ASCC3: variants seen among roughly 807,000 people sequenced by gnomAD.
The protein encoded by ASCC3 is activating signal cointegrator 1 complex subunit 3, also known as ASC-1 complex subunit P200.
In ASCC3, 158 loss-of-function variants were observed where a neutral mutation model predicts 256.3. The ratio of observed to expected loss-of-function variants is 0.62; its 90% CI spans 0.54 to 0.70. The LOEUF (loss-of-function observed/expected upper bound fraction) is 0.70. Among genes scored for constraint, ASCC3 ranks in the 30% least tolerant of loss-of-function variants. The probability of loss-of-function intolerance (pLI) is 0.00; values close to 1 mark genes in which losing one functional copy is unlikely to be tolerated. For missense variants in ASCC3, 2,259 were observed against 2,626.0 expected (o/e 0.86, Z 3.05); for synonymous variants, 948 against 883.4 (o/e 1.07, Z -1.30).
intron 10 of ASCC3, among the ~76,000 whole-genome samples, chr6:100,743,879 T>C (rs1306538596): frequency 2.6e-5 from 4 of 152,214 alleles, no homozygotes; most frequent in African/African-American, 9.6e-5. Flanking sequence ...CACAAATCTT[T>C]AAAATAATGC....
chr6:100,550,899 T>C (rs1428877090), intron 36 of ASCC3, among the ~76,000 whole-genome samples: 5 of 151,952 alleles, frequency 3.3e-5, no homozygotes, highest in Admixed American at 1.3e-4. Context: ...AAGAATGCTC[T>C]GCAGTAGAGA....
intron 34 of ASCC3, among the ~76,000 whole-genome samples, chr6:100,596,502 A>G (rs1422938845): frequency 6.6e-6 from 1 of 152,146 alleles, no homozygotes; most frequent in African/African-American, 2.4e-5. Context: ...AAAAATCTGT[A>G]AACTACCATA....
intron 4 of ASCC3, among the ~76,000 whole-genome samples, chr6:100,839,074 T>C (rs867736299): frequency 2.0e-5 from 3 of 152,128 alleles, no homozygotes; most frequent in Non-Finnish European, 1.5e-5. Context: ...CTTCCCCATA[T>C]CAATATATTA....
intron 8 of ASCC3, among the ~76,000 whole-genome samples, chr6:100,773,123 C>G (rs1298840030): frequency 6.6e-6 from 1 of 151,950 alleles, no homozygotes; most frequent in Non-Finnish European, 1.5e-5. Context: ...AATGGTAGAG[C>G]TAGTATTTGA....
At chr6:100,728,403 CTT>C (rs962450762) in intron 10 of ASCC3, among the ~76,000 whole-genome samples, 6 of 151,846 alleles carry the variant, frequency 4.0e-5, no homozygotes, top group African/African-American at 1.4e-4. Flanking sequence ...GGAATATAAA[CTT>C]ATACAATCAC....
chr6:100,815,851 A>C (rs1455482375), intron 4 of ASCC3, among the ~76,000 whole-genome samples: 1 of 152,178 alleles, frequency 6.6e-6, no homozygotes, highest in Non-Finnish European at 1.5e-5. Context: ...TATTCTGAAC[A>C]TAAGAATGAG....
At chr6:100,781,952 C>G (rs959179508) in intron 8 of ASCC3, among the ~76,000 whole-genome samples, 3 of 151,814 alleles carry the variant, frequency 2.0e-5, no homozygotes, top group Non-Finnish European at 1.5e-5. Flanking sequence ...ATTTATATCT[C>G]TCTATATATA....
chr6:100,619,955 T>C (rs1562172466), intron 30 of ASCC3, among the ~76,000 whole-genome samples: 2 of 151,628 alleles, frequency 1.3e-5, no homozygotes, highest in Non-Finnish European at 2.9e-5. Context: ...GAGGGATGAG[T>C]GGATTTGGGT....
At chr6:100,551,173 G>C (rs1033480893) in intron 36 of ASCC3, among the ~76,000 whole-genome samples, 9 of 151,804 alleles carry the variant, frequency 5.9e-5, no homozygotes, top group African/African-American at 1.7e-4. Context: ...GGTCTTACTG[G>C]GCTGGGTAGC....
intron 34 of ASCC3, among the ~76,000 whole-genome samples, chr6:100,600,211 A>G (rs1243817507): frequency 1.2e-4 from 8 of 68,488 alleles, no homozygotes; most frequent in African/African-American, 2.6e-4. Flanking sequence ...ACATGCACAC[A>G]CACACACACA....
intron 17 of ASCC3, among the ~76,000 whole-genome samples, chr6:100,653,812 A>G (rs898329072): frequency 6.6e-6 from 1 of 152,092 alleles, no homozygotes; most frequent in African/African-American, 2.4e-5. Flanking sequence ...AGATATTAAC[A>G]AATATTCTTG....
rs556748977 is a variant in ASCC3 at position 100,826,312 on chromosome 6, T to C, written c.802-20432A>G. Among the ~76,000 whole-genome samples the C allele has an allele frequency of 1.1e-4, 17 of 152,226 alleles. No individual in the cohort carries two copies. The South Asian group carries it at 1.5e-3, about 13-fold the overall frequency. On this transcript the variant is annotated intron_variant, in intron 4 of 41. Coordinates refer to ENST00000369162, the MANE Select transcript of ASCC3 (RefSeq NM_006828.4). The stretch of plus-strand genomic sequence containing the variant: ...ACGCCCGGCTAATTTTTTGTATTTT[T>C]AGTAGAGACGGGGTTTCACCATATT...
chr6:100,578,888 A>G (rs116775461), intron 36 of ASCC3, among the ~76,000 whole-genome samples: 5,183 of 152,098 alleles, frequency 0.034, 268 homozygotes, highest in African/African-American at 0.12. Context: ...TACCAGCAAC[A>G]TATTTTGACA....
intron 36 of ASCC3, among the ~76,000 whole-genome samples, chr6:100,556,927 A>C (rs1769606356): frequency 6.6e-6 from 1 of 152,134 alleles, no homozygotes; most frequent in Non-Finnish European, 1.5e-5. Context: ...GGGAGCAGAG[A>C]GGGAGGAGCC....
chr6:100,697,792 G>A (rs1214051794), intron 13 of ASCC3, among the ~76,000 whole-genome samples: 1 of 152,018 alleles, frequency 6.6e-6, no homozygotes, highest in Non-Finnish European at 1.5e-5. Flanking sequence ...CAGAAAGGCT[G>A]GTAACGGAAG....
chr6:100,818,018 CA>C (rs1770836552), intron 4 of ASCC3, among the ~76,000 whole-genome samples: 1 of 151,994 alleles, frequency 6.6e-6, no homozygotes, highest in Non-Finnish European at 1.5e-5. Flanking sequence ...ACAAGCAAAC[CA>C]AAAGCATCAA....
Position 100,881,091 on chromosome 6 carries a change from C to G in ASCC3, c.-72G>C, listed in dbSNP as rs962948176. The G allele has an allele frequency of 6.6e-6, 1 of 152,504 alleles. No individual in the cohort carries two copies. The highest frequency in any genetic ancestry group is 1.5e-5 in the Non-Finnish European group (1 of 68,220). 9.4% of individuals were successfully genotyped at this position (152,504 alleles called of 1,614,324 possible). On this transcript the variant is annotated 5_prime_UTR_variant, in exon 1 of 42. Transcript: ENST00000369162. The stretch of plus-strand genomic sequence containing the variant: ...GGCCTGGCTCACGCGTTTCCCATCA[C>G]TCTGTCAGCTCCTGCCACCGCGCCT...
Position 100,644,037 on chromosome 6 carries a change from T to G in ASCC3, c.3726A>C (p.Lys1242Asn), listed in dbSNP as rs1431595714. ...TTCACATATATACACTTACTTGTTT[T>G]TTTAGAGCTAGAAAATACTCTGAAT... ...IYHSEYFLAL[K>N]KQVISKEAQL... Residue 1242 changes from lysine to asparagine, a missense_variant, in exon 23 of 42, where the codon AAA becomes AAC. Lys to Asn is a moderately conservative substitution (Grantham distance 94, BLOSUM62 0). Transcript: ENST00000369162. 8 of 1,607,968 alleles carry G rather than the reference T, an allele frequency of 5.0e-6. No homozygotes were observed. Among genetic ancestry groups the G allele is most frequent in the Non-Finnish European group, 6.0e-6 (7 of 1,175,146 alleles).
chr6:100,765,553 C>T (rs1047354878), intron 10 of ASCC3, among the ~76,000 whole-genome samples: 6 of 152,210 alleles, frequency 3.9e-5, no homozygotes, highest in African/African-American at 1.2e-4. Flanking sequence ...GAAGCCCCCA[C>T]TTCAAATTGT....
Sources: gnomAD v4.1 joint callset for allele counts (sites outside exome capture counted in the v4.1 genomes callset) on GRCh38, gnomAD v4.1.1 for gene constraint, MANE v1.5 for transcripts, NCBI Gene and HGNC (gene_info 2026-07-23, HGNC 2026-07-21) for gene names.